RNF207: variants seen among roughly 807,000 people sequenced by gnomAD.
RNF207 encodes OTTHUMG00000001089.
In RNF207, 72 loss-of-function variants were observed where a neutral mutation model predicts 79.0. The ratio of observed to expected loss-of-function variants is 0.91; its 90% CI spans 0.75 to 1.11. The LOEUF (loss-of-function observed/expected upper bound fraction) is 1.11, where lower values mean the gene tolerates loss of function less well. Among genes scored for constraint, RNF207 ranks in the 50% least tolerant of loss-of-function variants. The pLI is 0.00. For missense variants in RNF207, 936 were observed against 855.8 expected (o/e 1.09, Z -1.17); for synonymous variants, 348 against 366.2 (o/e 0.95, Z 0.57).
Position 6,208,993 on chromosome 1 carries a change from G to A in RNF207, c.437G>A (p.Gly146Asp), listed in dbSNP as rs765908062. 23 of 1,537,268 alleles carry A rather than the reference G, an allele frequency of 1.5e-5. No homozygotes were observed. In the Admixed American group the frequency reaches 1.8e-4, roughly 12 times the overall value. ...MFARHDIVAL[G>D]QRSRDVPQKC... ...GCGCGCCACGACATCGTGGCCCTGG[G>A]TCAGCGAAGCCGCGACGTGCCCCAG... The change falls in exon 4 of 18, where the codon GGT becomes GAT. Residue 146 changes from glycine (G) to aspartate (D), a missense_variant. Gly to Asp is a moderately conservative substitution (Grantham distance 94). Coordinates refer to ENST00000377939, the MANE Select transcript of RNF207 (RefSeq NM_207396.3).
rs751107818 is a variant in RNF207, at chr1:6,218,277, C to T, written c.1653-12C>T. ...TGCTCCCTTGAGATTCTGGTGCCCA[C>T]TCCCTTGCCAGGTTTCAGGCACCCG... is the stretch of plus-strand genomic sequence containing the variant. On this transcript the variant is annotated splice_polypyrimidine_tract_variant and intron_variant, in intron 16 of 17. Transcript: ENST00000377939. 1 of 1,608,652 alleles carries T rather than the reference C, an allele frequency of 6.2e-7. No individual in the cohort carries two copies. Among genetic ancestry groups the T allele is most frequent in the Non-Finnish European group, 8.5e-7 (1 of 1,175,024 alleles).
intron 16 of RNF207, 26 bp downstream of exon 16, chr1:6,213,209 G>A (rs1668244300): frequency 2.1e-6 from 3 of 1,457,542 alleles, no homozygotes; most frequent in East Asian, 4.6e-5. Flanking sequence ...TGTTCCCAGG[G>A]CCACTGAGAC....
Position 6,210,309 on chromosome 1 carries a change from G to C in RNF207, c.873+14G>C, listed in dbSNP as rs199849408. 7 of 1,613,432 alleles carry C rather than the reference G, an allele frequency of 4.3e-6. No individual in the cohort carries two copies. In the African/African-American group the frequency reaches 6.7e-5, roughly 15 times the overall value. ...CCCACCCTGCAGGTACAGGGAGCTC[G>C]GGGTGCGGGTGGGTCCCTCCTCCTC... On this transcript the variant is annotated intron_variant, in intron 9 of 17. Transcript: ENST00000377939.
At position 6,207,617 on chromosome 1, in the gene RNF207, G is replaced by A; in HGVS notation, c.324+106G>A. The A allele has an allele frequency of 7.7e-7, 1 of 1,298,866 alleles. No homozygotes were observed. Among genetic ancestry groups the A allele is most frequent in the Non-Finnish European group, 1.1e-6 (1 of 928,880 alleles). The allele number at this position is 1,298,866 out of a possible 1,614,324, so 80.5% of individuals were successfully genotyped here. A position where few individuals can be genotyped will look rare whatever the true frequency, so the allele number is the denominator to read the frequency against. ...TGTCTTCAGAGGACGACCTGGCAGT[G>A]GATTCTCCAGCACCTCCCTAGGGCA... is the stretch of plus-strand genomic sequence containing the variant. On this transcript the variant is annotated intron_variant, in intron 3 of 17. Coordinates refer to ENST00000377939, the MANE Select transcript of RNF207 (RefSeq NM_207396.3). This position sits in a 1 kb window ranked among gnomAD's most constrained non-coding sequence, Gnocchi z 4.5.
intron 10 of RNF207, 30 bp downstream of exon 10, chr1:6,210,468 C>CA: frequency 6.3e-7 from 1 of 1,578,632 alleles, no homozygotes; most frequent in Non-Finnish European, 8.7e-7. Flanking sequence ...GCAGATGCCC[C>CA]CTCCCCACCA....
intron 4 of RNF207, 25 bp downstream of exon 4, chr1:6,209,050 G>A: frequency 8.3e-7 from 1 of 1,208,452 alleles, no homozygotes; most frequent in East Asian, 3.2e-5. Flanking sequence ...CGGGGCCGGG[G>A]ACTTGGGGGT....
chr1:6,214,195 GGTT>G (rs1668280068), intron 16 of RNF207, among the ~76,000 whole-genome samples: 1 of 152,138 alleles, frequency 6.6e-6, no homozygotes, highest in Admixed American at 6.5e-5. Context: ...TAGCTTCCAT[GGTT>G]GTTGTTCATG....
Position 6,207,658 on chromosome 1 carries a change from T to G in RNF207, c.324+147T>G, listed in dbSNP as rs1667968079. 5 of 896,276 alleles carry G rather than the reference T, an allele frequency of 5.6e-6. No homozygotes were observed. Among genetic ancestry groups the G allele is most frequent in the Non-Finnish European group, 8.9e-6 (5 of 562,014 alleles). The allele number at this position is 896,276 out of a possible 1,614,324, so 55.5% of individuals were successfully genotyped here. ...CCCTAGGGCACCTTGGCCCCAAATG[T>G]GAACCCCATTATACCGGTGGGGAGA... On this transcript the variant is annotated intron_variant, in intron 3 of 17. Coordinates refer to ENST00000377939, the MANE Select transcript of RNF207 (RefSeq NM_207396.3). This position sits in a 1 kb window ranked among gnomAD's most constrained non-coding sequence, Gnocchi z 4.5.
At position 6,209,021 on chromosome 1, in the gene RNF207, G is replaced by C. The variant is rs966457998; in HGVS notation, c.465G>C (p.Lys155Asn). 4 of 1,538,998 alleles carry C rather than the reference G, an allele frequency of 2.6e-6. No homozygotes were observed. Among genetic ancestry groups the C allele is most frequent in the Non-Finnish European group, 3.5e-6 (4 of 1,143,604 alleles). Residue 155 changes from lysine (K) to asparagine (N), a missense_variant, in exon 4 of 18, where the codon AAG (lysine) becomes AAC (asparagine). Transcript: ENST00000377939. ...AGCGAAGCCGCGACGTGCCCCAGAA[G>C]TGCAGTGAGTGAGGCTTGCGGGGCC... Reference protein sequence around the residue: ...LGQRSRDVPQKCTLHAEPYLL... With the variant: ...LGQRSRDVPQNCTLHAEPYLL...
In RNF207 at chr1:6,219,655, G is replaced by A. The variant is rs574187499; in HGVS notation, c.*248G>A. Reference sequence around the variant, plus strand: ...TTACAGGCGCCTGACACCACGCCCCGCTAATTTTTTGTATTTTTAGTAGAG... The same window carrying A: ...TTACAGGCGCCTGACACCACGCCCCACTAATTTTTTGTATTTTTAGTAGAG... On this transcript the variant is annotated 3_prime_UTR_variant, in exon 18 of 18. Coordinates refer to ENST00000377939, the MANE Select transcript of RNF207 (RefSeq NM_207396.3). The A allele has an allele frequency of 1.5e-4, 37 of 240,496 alleles. 2 individuals carry two copies. The highest frequency in any genetic ancestry group is 5.7e-4 in the East Asian group (7 of 12,240). 14.9% of individuals were successfully genotyped at this position (240,496 alleles called of 1,614,324 possible).
In RNF207 at chr1:6,209,983, G is replaced by A; in HGVS notation, c.800+13G>A. 2 of 1,575,430 alleles carry A rather than the reference G, an allele frequency of 1.3e-6. No homozygotes were observed. The highest frequency in any genetic ancestry group is 1.7e-6 in the Non-Finnish European group (2 of 1,159,956). On this transcript the variant is annotated intron_variant, in intron 8 of 17. Coordinates refer to ENST00000377939, the MANE Select transcript of RNF207 (RefSeq NM_207396.3). ...AGGCTGTGCAGAGGTGAGTTGGGGG[G>A]AGCGGGGCTTGCTTCCCTTACCCCT...
At chr1:6,212,482 A>T in intron 14 of RNF207, 66 bp downstream of exon 14, 1 of 1,475,080 alleles carries the variant, frequency 6.8e-7, no homozygotes, top group Non-Finnish European at 9.3e-7. Context: ...ACCCTAAGAC[A>T]GTAAGCGGGG....
At chr1:6,218,504 G>A (rs1334352208) in intron 17 of RNF207, 135 bp downstream of exon 17, 6 of 639,860 alleles carry the variant, frequency 9.4e-6, no homozygotes, top group East Asian at 8.3e-5. Context: ...TGTAAAACAA[G>A]GGGTCAGAGA....
Position 6,207,628 on chromosome 1 carries a change from C to A in RNF207, c.324+117C>A. The A allele has an allele frequency of 8.2e-7, 1 of 1,213,348 alleles. No homozygotes were observed. The highest frequency in any genetic ancestry group is 1.2e-6 in the Non-Finnish European group (1 of 850,994). 75.2% of individuals were successfully genotyped at this position (1,213,348 alleles called of 1,614,324 possible). A position where few individuals can be genotyped will look rare whatever the true frequency, so the allele number is the denominator to read the frequency against. On this transcript the variant is annotated intron_variant, in intron 3 of 17. Transcript: ENST00000377939. This position sits in a 1 kb window ranked among gnomAD's most constrained non-coding sequence, Gnocchi z 4.5. ...GACGACCTGGCAGTGGATTCTCCAG[C>A]ACCTCCCTAGGGCACCTTGGCCCCA...
At chr1:6,208,840 G>T (rs1236464760) in intron 3 of RNF207, 41 bp from the exon 4 acceptor site, 2 of 1,495,984 alleles carry the variant, frequency 1.3e-6, no homozygotes, top group Non-Finnish European at 8.8e-7. Context: ...CGCTGGCCGC[G>T]GTCGGGCTCT....
In RNF207 at chr1:6,209,905, T is replaced by C. The variant is rs774021929; in HGVS notation, c.754-19T>C. ...AGGGCTGGGGCGCAAATCAAGAGCA[T>C]GCTCGCCATCTCTCCCAGGACAGGC... On this transcript the variant is annotated intron_variant, in intron 7 of 17. Coordinates refer to ENST00000377939, the MANE Select transcript of RNF207 (RefSeq NM_207396.3). 1.9e-6 allele frequency: 3 copies of C among 1,570,650 alleles called. No individual in the cohort carries two copies. Among genetic ancestry groups the C allele is most frequent in the African/African-American group, 2.7e-5 (2 of 73,114 alleles).
rs1668175417 is a variant in RNF207, at chr1:6,211,768, G to C, written c.1110-99G>C. On this transcript the variant is annotated intron_variant, in intron 12 of 17. Coordinates refer to ENST00000377939, the MANE Select transcript of RNF207 (RefSeq NM_207396.3). The surrounding 1 kb of genome is among the most constrained non-coding windows in gnomAD (Gnocchi z 4.2). ...CTGCTGTGCTCCAGGTGGTGGAGAG[G>C]GCTGTGAGATCCCGGAGCAGTCCAG... is the stretch of plus-strand genomic sequence containing the variant. 1 of 802,134 alleles carries C rather than the reference G, an allele frequency of 1.2e-6. No individual in the cohort carries two copies. The highest frequency in any genetic ancestry group is 1.8e-5 in the South Asian group (1 of 55,848). The allele number at this position is 802,134 out of a possible 1,614,324, so 49.7% of individuals were successfully genotyped here.
rs761251196 is a variant in RNF207, at chr1:6,212,223, C to T, written c.1297-8C>T. 3.1e-6 allele frequency: 5 copies of T among 1,609,240 alleles called. No homozygotes were observed. Among genetic ancestry groups the T allele is most frequent in the Non-Finnish European group, 4.2e-6 (5 of 1,177,824 alleles). On this transcript the variant is annotated splice_region_variant and splice_polypyrimidine_tract_variant and intron_variant, in intron 13 of 17. Coordinates refer to ENST00000377939, the MANE Select transcript of RNF207 (RefSeq NM_207396.3). ...TGACCCACGCTCTCACACAGCCTCT[C>T]TGTGCAGCACCTGCAGGCAGAGATG...
chr1:6,208,930 C>T lies in RNF207; in HGVS notation c.374C>T (p.Ala125Val). ...FCNTCGQPLCARCRDETHRAR... is the reference protein window; with the variant it reads ...FCNTCGQPLCVRCRDETHRAR... ...AACACGTGCGGACAGCCCCTATGCGCGCGCTGCCGCGACGAGACGCACCGA... is the reference window on the plus strand; with the variant it reads ...AACACGTGCGGACAGCCCCTATGCGTGCGCTGCCGCGACGAGACGCACCGA... Residue 125 changes from alanine to valine, a missense_variant, in exon 4 of 18, where the codon GCG becomes GTG. Coordinates refer to ENST00000377939, the MANE Select transcript of RNF207 (RefSeq NM_207396.3). 6.5e-7 allele frequency: 1 copy of T among 1,534,736 alleles called. No homozygotes were observed. Among genetic ancestry groups the T allele is most frequent in the Non-Finnish European group, 8.7e-7 (1 of 1,145,554 alleles).
Sources: allele counts gnomAD v4.1 joint callset (sites outside exome capture counted in the v4.1 genomes callset), GRCh38; gene constraint gnomAD v4.1.1; non-coding constraint Gnocchi (gnomAD v3.1); transcripts MANE v1.5; gene names NCBI Gene and HGNC (gene_info 2026-07-23, HGNC 2026-07-21).